PPEF2: variants seen among roughly 807,000 people sequenced by gnomAD.
The protein encoded by PPEF2 is protein phosphatase with EF-hand domain 2, also known as serine/threonine-protein phosphatase with EF-hands 2.
A neutral mutation model predicts 84.7 loss-of-function variants in PPEF2; 84 were observed. The ratio of observed to expected loss-of-function variants is 0.99; its 90% CI spans 0.83 to 1.19. PPEF2 has a LOEUF of 1.19. Ranked by LOEUF, PPEF2 falls within the 50% of genes most tolerant of loss-of-function variation. The pLI is 0.00. For synonymous variants in PPEF2, 346 were observed against 345.2 expected (o/e 1.00, Z -0.03); for missense variants, 924 against 937.5 (o/e 0.99, Z 0.19).
Position 75,888,198 on chromosome 4 carries a change from T to C in PPEF2, c.532+16A>G. On this transcript the variant is annotated intron_variant, in intron 6 of 16. Coordinates refer to ENST00000286719, the MANE Select transcript of PPEF2 (RefSeq NM_006239.3). ...TTTGTGTGCAGCATGGAAAGCCGTT[T>C]CTGACCAGCTCTTACCACACACTGT... The C allele has an allele frequency of 6.4e-7, 1 of 1,568,800 alleles. No individual in the cohort carries two copies. Among genetic ancestry groups the C allele is most frequent in the South Asian group, 1.1e-5 (1 of 90,076 alleles).
chr4:75,876,269 G>A lies in PPEF2; in HGVS notation c.1320+18C>T. 6.4e-7 allele frequency: 1 copy of A among 1,571,496 alleles called. No homozygotes were observed. Among genetic ancestry groups the A allele is most frequent in the Non-Finnish European group, 8.6e-7 (1 of 1,158,400 alleles). On this transcript the variant is annotated intron_variant, in intron 11 of 16. Transcript: ENST00000286719. ...GTTGGCAGCCACATGCTAGGAAGCA[G>A]CGCCTGGCCACGCTCACCTGCCTCC...
chr4:75,873,364 C>T (rs1170472525), intron 11 of PPEF2, 52 bp from the exon 12 acceptor site: 1 of 1,458,138 alleles, frequency 6.9e-7, no homozygotes, highest in Non-Finnish European at 9.3e-7. Context: ...ACATATTCAT[C>T]CACAGTCATT....
chr4:75,883,744 G>A (rs1166569376), intron 8 of PPEF2, among the ~76,000 whole-genome samples: 1 of 144,122 alleles, frequency 6.9e-6, no homozygotes, highest in Non-Finnish European at 1.5e-5. Flanking sequence ...TGTGAACCCA[G>A]GAGGCAGAGC....
chr4:75,873,192 T>G lies in PPEF2; in HGVS notation c.1441A>C (p.Met481Leu), dbSNP rs6858658. 1 allele frequency: 1,613,861 copies of G among 1,614,150 alleles called. 806,786 individuals carry two copies. The highest frequency in any genetic ancestry group is 1 in the Middle Eastern group (6,062 of 6,062). Residue 481 changes from methionine to leucine, a missense_variant, in exon 12 of 17, where the codon ATG becomes CTG. Coordinates refer to ENST00000286719, the MANE Select transcript of PPEF2 (RefSeq NM_006239.3). ...TCATGTGAACGGATCAGGAATTGCA[T>G]GTTGTATTTTTGTAGCAACTGTTGT... ...VTQQLLQKYN[M>L]QFLIRSHECK...
chr4:75,859,884 TATTA>T lies in PPEF2; in HGVS notation c.*779_*782del, dbSNP rs1015209362. ...ACATGGGAAAGGGTTTACAATTAGA[TATTA>T]ATTTATTTTTTTAAAAGTAGAACAT... On this transcript the variant is annotated 3_prime_UTR_variant, in exon 17 of 17. Coordinates refer to ENST00000286719, the MANE Select transcript of PPEF2 (RefSeq NM_006239.3). The T allele has an allele frequency of 3.9e-5, 6 of 152,230 alleles. No homozygotes were observed. The highest frequency in any genetic ancestry group is 1.4e-4 in the African/African-American group (6 of 41,454). The allele number at this position is 152,230 out of a possible 1,614,324, so 9.4% of individuals were successfully genotyped here.
In PPEF2 at chr4:75,882,496, A is replaced by G. The variant is rs1724602543; in HGVS notation, c.933+430T>C. On this transcript the variant is annotated intron_variant, in intron 10 of 16. Transcript: ENST00000286719. ...TGTACATGGTAGACATGACTAAGTG[A>G]CTACAGCACACTTGCCCCCTAGCCC... Among the ~76,000 whole-genome samples the G allele has an allele frequency of 2.6e-5, 4 of 151,592 alleles. 1 individual carries two copies. In the South Asian group the frequency reaches 8.3e-4, roughly 32 times the overall value.
intron 7 of PPEF2, among the ~76,000 whole-genome samples, chr4:75,886,297 C>T (rs961453761): frequency 6.6e-6 from 1 of 152,172 alleles, no homozygotes. Context: ...CTGCCATCCC[C>T]GCCGGCCCGC....
At chr4:75,870,516 T>G (rs1449939789) in intron 13 of PPEF2, among the ~76,000 whole-genome samples, 2 of 152,356 alleles carry the variant, frequency 1.3e-5, no homozygotes, top group African/African-American at 4.8e-5. Flanking sequence ...CGATCTTAAT[T>G]TCTAACTCTG....
intron 13 of PPEF2, among the ~76,000 whole-genome samples, 180 bp downstream of exon 13, chr4:75,871,845 G>C (rs1049886409): frequency 6.6e-6 from 1 of 152,100 alleles, no homozygotes; most frequent in Non-Finnish European, 1.5e-5. Flanking sequence ...GGAGTGTGTG[G>C]AGGAGAAGGA....
intron 7 of PPEF2, among the ~76,000 whole-genome samples, chr4:75,885,133 T>C (rs1369238502): frequency 2.6e-5 from 4 of 152,170 alleles, no homozygotes; most frequent in Admixed American, 2.0e-4. Context: ...CATGGGAAAA[T>C]GCTTTGGGAA....
At chr4:75,884,955 T>A (rs1219082911) in intron 7 of PPEF2, 195 bp from the exon 8 acceptor site, 1 of 508,886 alleles carries the variant, frequency 2.0e-6, no homozygotes, top group African/African-American at 1.9e-5. Context: ...CCAGAGAGGC[T>A]AAGGTTAGGA....
chr4:75,885,971 T>G (rs1031376890), intron 7 of PPEF2, among the ~76,000 whole-genome samples: 1 of 151,540 alleles, frequency 6.6e-6, no homozygotes, highest in Non-Finnish European at 1.5e-5. Flanking sequence ...ATCGTGCCAT[T>G]GCATTCCAGC....
At chr4:75,863,943 G>T (rs1398444097) in intron 16 of PPEF2, among the ~76,000 whole-genome samples, 1 of 151,102 alleles carries the variant, frequency 6.6e-6, no homozygotes, top group South Asian at 2.1e-4. Context: ...CACGACCTCG[G>T]CTCACTGCAA....
Position 75,883,084 on chromosome 4 carries a change from A to C in PPEF2, c.784-9T>G. On this transcript the variant is annotated splice_polypyrimidine_tract_variant and intron_variant, in intron 9 of 16. Coordinates refer to ENST00000286719, the MANE Select transcript of PPEF2 (RefSeq NM_006239.3). The stretch of plus-strand genomic sequence containing the variant: ...ATTTCCTTCCCGTGTACCTGGAAAA[A>C]ATGATATAAACAAAATGTTATCAAA... The C allele has an allele frequency of 6.2e-7, 1 of 1,613,852 alleles. No individual in the cohort carries two copies. The highest frequency in any genetic ancestry group is 2.2e-5 in the East Asian group (1 of 44,866).
chr4:75,900,828 C>T (rs1725103722), intron 1 of PPEF2, among the ~76,000 whole-genome samples: 1 of 151,888 alleles, frequency 6.6e-6, no homozygotes, highest in Admixed American at 6.6e-5. Flanking sequence ...TGTATTCCAC[C>T]ATGACAAAGA....
chr4:75,865,942 T>C (rs1163109661), intron 15 of PPEF2, among the ~76,000 whole-genome samples: 2 of 152,188 alleles, frequency 1.3e-5, no homozygotes, highest in African/African-American at 2.4e-5. Context: ...CTGTGGGCAG[T>C]GTCCTCATAC....
intron 1 of PPEF2, among the ~76,000 whole-genome samples, chr4:75,901,524 A>C (rs1302884382): frequency 1.3e-5 from 2 of 151,838 alleles, no homozygotes; most frequent in African/African-American, 2.4e-5. Flanking sequence ...CCACCTCAAA[A>C]AAAAAAAAAG....
chr4:75,873,322 C>A lies in PPEF2; in HGVS notation c.1321-10G>T. 1 of 1,590,332 alleles carries A rather than the reference C, an allele frequency of 6.3e-7. No individual in the cohort carries two copies. Among genetic ancestry groups the A allele is most frequent in the South Asian group, 1.1e-5 (1 of 87,452 alleles). On this transcript the variant is annotated splice_polypyrimidine_tract_variant and intron_variant, in intron 11 of 16. Coordinates refer to ENST00000286719, the MANE Select transcript of PPEF2 (RefSeq NM_006239.3). ...ACAGGATATCTACAACCTGAGAAGA[C>A]CAAGAGATGATTTCCTTCCCAAAAA...
chr4:75,896,133 G>A, intron 2 of PPEF2, 138 bp downstream of exon 2: 1 of 874,332 alleles, frequency 1.1e-6, no homozygotes, highest in Non-Finnish European at 1.9e-6. Context: ...TCACAAGGAG[G>A]AGAAGCTGAC....
Sources: allele counts gnomAD v4.1 joint callset (sites outside exome capture counted in the v4.1 genomes callset), GRCh38; gene constraint gnomAD v4.1.1; transcripts MANE v1.5; gene names NCBI Gene and HGNC (gene_info 2026-07-23, HGNC 2026-07-21).